ABAT: variants seen among roughly 807,000 people sequenced by gnomAD.
ABAT encodes 4-aminobutyrate aminotransferase.
Under a neutral mutation model 64.6 loss-of-function variants are expected in ABAT, and 45 were observed. That is an observed-to-expected ratio of 0.70 (90% confidence interval 0.55 to 0.89). The LOEUF (loss-of-function observed/expected upper bound fraction) is 0.89, where lower values mean the gene tolerates loss of function less well. Ranked by LOEUF, ABAT falls within the 40% of genes least tolerant of loss-of-function variation. The pLI is 0.00. For synonymous variants in ABAT, 297 were observed against 250.5 expected, an observed-to-expected ratio of 1.19 and a Z score of -1.75; for missense variants, 633 against 658.4, an observed-to-expected ratio of 0.96 and a Z score of 0.42.
intron 1 of ABAT, among the ~76,000 whole-genome samples, chr16:8,728,859 C>T (rs983864388): frequency 6.6e-6 from 1 of 152,060 alleles, no homozygotes; most frequent in Admixed American, 6.5e-5. Context: ...GGCAACAGAA[C>T]AAGACTCCAT....
chr16:8,778,602 A>C (rs572025035), intron 14 of ABAT, among the ~76,000 whole-genome samples: 10,914 of 152,074 alleles, frequency 0.072, 472 homozygotes, highest in Middle Eastern at 0.13. Context: ...TTGTGAAACC[A>C]GTTTCTACTA....
intron 1 of ABAT, chr16:8,705,657 A>G (rs2057923750): frequency 6.6e-6 from 1 of 152,210 alleles, no homozygotes; most frequent in Non-Finnish European, 1.5e-5. Context: ...ACCTGAGATC[A>G]GACAGGCAGA....
chr16:8,700,272 G>A (rs904967986), intron 1 of ABAT, among the ~76,000 whole-genome samples: 11 of 152,142 alleles, frequency 7.2e-5, no homozygotes, highest in Non-Finnish European at 1.3e-4. Flanking sequence ...TTAATTTTGG[G>A]GAAAGGGGGC....
At chr16:8,747,739 T>C (rs1323044833) in intron 3 of ABAT, among the ~76,000 whole-genome samples, 1 of 152,182 alleles carries the variant, frequency 6.6e-6, no homozygotes, top group Non-Finnish European at 1.5e-5. Flanking sequence ...AGTTAATATT[T>C]TCAGTTATTT....
chr16:8,703,955 A>T (rs1210544420), intron 1 of ABAT, among the ~76,000 whole-genome samples: 1 of 152,188 alleles, frequency 6.6e-6, no homozygotes, highest in Non-Finnish European at 1.5e-5. Context: ...ATAGTTGTGG[A>T]TCCTTAGCCT....
intron 1 of ABAT, among the ~76,000 whole-genome samples, chr16:8,718,272 A>G (rs2058268554): frequency 6.6e-6 from 1 of 152,296 alleles, no homozygotes; most frequent in South Asian, 2.1e-4. Context: ...GAGAGTGAAC[A>G]TTTATGGGAA....
Position 8,781,663 on chromosome 16 carries a change from C to T in ABAT, c.*233C>T. ...TGCACATTGGTTTAAGCCCAGAGAT[C>T]CTGCTTGAGCCCTGGACTCATCTTG... On this transcript the variant is annotated 3_prime_UTR_variant, in exon 16 of 16. Transcript: ENST00000268251. The surrounding 1 kb of genome is among the most constrained non-coding windows in gnomAD (Gnocchi z 4.5). 1.6e-6 allele frequency: 1 copy of T among 608,136 alleles called. No homozygotes were observed. Among genetic ancestry groups the T allele is most frequent in the East Asian group, 3.2e-5 (1 of 31,692 alleles). 37.7% of individuals were successfully genotyped at this position (608,136 alleles called of 1,614,324 possible). A position where few individuals can be genotyped will look rare whatever the true frequency, so the allele number is the denominator to read the frequency against.
chr16:8,778,211 A>G (rs2060322926), intron 14 of ABAT, among the ~76,000 whole-genome samples: 1 of 152,170 alleles, frequency 6.6e-6, no homozygotes, highest in African/African-American at 2.4e-5. Context: ...TGTCTGCTGT[A>G]AAAAATCACC....
intron 9 of ABAT, among the ~76,000 whole-genome samples, chr16:8,767,237 G>T (rs1013694098): frequency 2.6e-5 from 4 of 152,218 alleles, no homozygotes; most frequent in African/African-American, 9.6e-5. Context: ...TTTGCTTGGG[G>T]CTGGAAAGGG....
intron 14 of ABAT, among the ~76,000 whole-genome samples, chr16:8,778,384 C>G (rs1201731413): frequency 6.6e-6 from 1 of 152,172 alleles, no homozygotes. Flanking sequence ...CCTTCATGTT[C>G]CTTGACGTGT....
intron 1 of ABAT, among the ~76,000 whole-genome samples, chr16:8,707,578 G>C (rs187800585): frequency 1.6e-4 from 25 of 152,084 alleles, no homozygotes; most frequent in Non-Finnish European, 4.4e-5. Context: ...TGTAATTGTG[G>C]TTATGTTCAA....
chr16:8,761,076 TGAAACAAAAC>T (rs2059782396), intron 6 of ABAT, among the ~76,000 whole-genome samples: 1 of 151,370 alleles, frequency 6.6e-6, no homozygotes. Flanking sequence ...ACCTTGCCTC[TGAAACAAAAC>T]AAAACAAAAC....
intron 1 of ABAT, among the ~76,000 whole-genome samples, chr16:8,676,131 C>T (rs763487022): frequency 2.0e-5 from 3 of 152,072 alleles, no homozygotes; most frequent in Non-Finnish European, 4.4e-5. Flanking sequence ...CTCTTTGGAG[C>T]CTGTGTTGCG....
rs186062584 is a variant in ABAT, at chr16:8,731,219, T to C, written c.-41-4480T>C. On this transcript the variant is annotated intron_variant, in intron 1 of 15. Transcript: ENST00000268251. ...CTCAAGTGATCCACCTGCCTTGGCCTCCCAAAATTCCGGGATTACAGGAGT... is the reference window on the plus strand; with the variant it reads ...CTCAAGTGATCCACCTGCCTTGGCCCCCCAAAATTCCGGGATTACAGGAGT... Among the ~76,000 whole-genome samples the C allele has an allele frequency of 5.2e-3, 785 of 152,268 alleles. 1 individual carries two copies. The highest frequency in any genetic ancestry group is 8.2e-3 in the Non-Finnish European group (555 of 68,010).
chr16:8,736,193 A>T, intron 2 of ABAT: 1 of 226,026 alleles, frequency 4.4e-6, no homozygotes, highest in South Asian at 6.4e-5. Flanking sequence ...AGCATGGGAA[A>T]GACCCACCCC....
intron 1 of ABAT, 141 bp from the exon 2 acceptor site, chr16:8,735,558 T>G (rs1041345477): frequency 2.6e-6 from 2 of 758,192 alleles, no homozygotes; most frequent in Non-Finnish European, 4.4e-6. Flanking sequence ...ATATATAAAG[T>G]CCATGTTCAG....
chr16:8,686,880 G>C (rs1315805298), intron 1 of ABAT, among the ~76,000 whole-genome samples: 1 of 152,230 alleles, frequency 6.6e-6, no homozygotes, highest in Non-Finnish European at 1.5e-5. Context: ...TGCTGAATAT[G>C]AACTGATGGT....
intron 11 of ABAT, among the ~76,000 whole-genome samples, chr16:8,772,097 C>G (rs2142992740): frequency 6.6e-6 from 1 of 152,224 alleles, no homozygotes; most frequent in East Asian, 1.9e-4. Flanking sequence ...GGATATATCT[C>G]CGATTCTGCC....
intron 1 of ABAT, among the ~76,000 whole-genome samples, chr16:8,733,729 G>T (rs958034183): frequency 1.2e-4 from 18 of 151,956 alleles, no homozygotes; most frequent in Middle Eastern, 3.4e-3. Context: ...GCTGAGGCAG[G>T]AGAATCAGGC....
Sources: allele counts gnomAD v4.1 joint callset (sites outside exome capture counted in the v4.1 genomes callset), GRCh38; gene constraint gnomAD v4.1.1; non-coding constraint Gnocchi (gnomAD v3.1); transcripts MANE v1.5; gene names NCBI Gene and HGNC (gene_info 2026-07-23, HGNC 2026-07-21).